The following PRKAG2 variants were observed in gnomAD, a reference collection of about 807,000 sequenced individuals.
The protein encoded by PRKAG2 is 5'-AMP-activated protein kinase subunit gamma-2.
In PRKAG2, 26 loss-of-function variants were observed where a neutral mutation model predicts 69.6. That is an observed-to-expected ratio of 0.37 (90% CI 0.27 to 0.52). PRKAG2 has a LOEUF of 0.52. Among genes scored for constraint, PRKAG2 ranks in the 20% least tolerant of loss-of-function variants. PRKAG2 has a pLI of 0.90. For missense variants in PRKAG2, 557 were observed against 740.0 expected (o/e 0.75, Z 2.87); for synonymous variants, 293 against 285.0 (o/e 1.03, Z -0.28).
intron 1 of PRKAG2, among the ~76,000 whole-genome samples, chr7:151,812,236 TAAAAC>T (rs1464017756): frequency 1.3e-5 from 2 of 152,064 alleles, no homozygotes; most frequent in African/African-American, 4.8e-5. Context: ...AAGTAATGCA[TAAAAC>T]AAAAGTACAG....
At chr7:151,682,111 A>G (rs946999020) in intron 3 of PRKAG2, among the ~76,000 whole-genome samples, 2 of 152,244 alleles carry the variant, frequency 1.3e-5, no homozygotes, top group African/African-American at 4.8e-5. Context: ...ATGCTATTCA[A>G]TCAGTAGAGA....
chr7:151,825,963 C>T (rs150945302), intron 1 of PRKAG2, among the ~76,000 whole-genome samples: 180 of 152,258 alleles, frequency 1.2e-3, no homozygotes, highest in Middle Eastern at 6.8e-3. Flanking sequence ...CAATTAGTCT[C>T]GGTTTACCCA....
intron 1 of PRKAG2, among the ~76,000 whole-genome samples, chr7:151,843,674 C>T (rs1016802340): frequency 6.6e-6 from 1 of 152,146 alleles, no homozygotes; most frequent in Non-Finnish European, 1.5e-5. Context: ...GGGGTGAGGC[C>T]CCCCAAGGAA....
In PRKAG2 at chr7:151,614,123, G is replaced by A. The variant is rs762550937; in HGVS notation, c.754+17946C>T. Among the ~76,000 whole-genome samples the A allele has an allele frequency of 5.9e-5, 9 of 152,076 alleles. No homozygotes were observed. The highest frequency in any genetic ancestry group is 1.7e-4 in the African/African-American group (7 of 41,404). ...ACTGGAGCCGACCAGGAGGTGCCCC[G>A]TTCCCACGGCTATGCTGAGCGCCCC... On this transcript the variant is annotated intron_variant, in intron 5 of 15. Transcript: ENST00000287878. This position sits in a 1 kb window ranked among gnomAD's most constrained non-coding sequence, Gnocchi z 4.4.
chr7:151,751,360 T>C (rs1279633212), intron 3 of PRKAG2, among the ~76,000 whole-genome samples: 2 of 152,052 alleles, frequency 1.3e-5, no homozygotes, highest in Middle Eastern at 6.3e-3. Context: ...GTGATCTGCC[T>C]GCCTCAGCCT....
At chr7:151,802,501 G>A (rs1220804755) in intron 1 of PRKAG2, among the ~76,000 whole-genome samples, 1 of 152,134 alleles carries the variant, frequency 6.6e-6, no homozygotes, top group Non-Finnish European at 1.5e-5. Context: ...CAGGTGGAGG[G>A]GAAACCGAAG....
chr7:151,786,693 G>GC lies in PRKAG2; in HGVS notation c.115-153dup, dbSNP rs1448150307. On this transcript the variant is annotated intron_variant, in intron 1 of 15. Transcript: ENST00000287878. ...GATGTGGACGTGTTTGCTACACCCA[G>GC]CCCCCAAAGCCCCTGACCACCATGC... 3.2e-5 allele frequency: 22 copies of GC among 679,266 alleles called. No homozygotes were observed. The East Asian group carries it at 5.8e-4, about 18-fold the overall frequency. The allele number at this position is 679,266 out of a possible 1,614,324, so 42.1% of individuals were successfully genotyped here. A position where few individuals can be genotyped will look rare whatever the true frequency, so the allele number is the denominator to read the frequency against.
At chr7:151,620,108 A>G (rs544484295) in intron 5 of PRKAG2, among the ~76,000 whole-genome samples, 4 of 152,346 alleles carry the variant, frequency 2.6e-5, no homozygotes, top group Admixed American at 6.5e-5. Flanking sequence ...GGGAGACTCA[A>G]CCTGCACCAG....
intron 4 of PRKAG2, among the ~76,000 whole-genome samples, chr7:151,645,026 C>G (rs908429578): frequency 3.3e-5 from 5 of 151,958 alleles, no homozygotes; most frequent in African/African-American, 1.2e-4. Context: ...AGTTTTTGTT[C>G]TTATTGAGTT....
In PRKAG2 at chr7:151,833,818, G is replaced by A. The variant is rs577283442; in HGVS notation, c.114+42689C>T. On this transcript the variant is annotated intron_variant, in intron 1 of 15. Transcript: ENST00000287878. ...ATGAGGAAAGGTTCACAGCCTCCCC[G>A]CTGTGCCTCCCCCAGATGGCGGGAG... Among the ~76,000 whole-genome samples, 27 of 152,314 alleles carry A rather than the reference G, an allele frequency of 1.8e-4. No homozygotes were observed. The East Asian group carries it at 2.7e-3, about 15-fold the overall frequency.
chr7:151,597,173 C>A (rs1345495218), intron 5 of PRKAG2, among the ~76,000 whole-genome samples: 1 of 152,170 alleles, frequency 6.6e-6, no homozygotes, highest in Admixed American at 6.5e-5. Context: ...ACACACCGGG[C>A]AAAGGGTGGT....
intron 3 of PRKAG2, among the ~76,000 whole-genome samples, chr7:151,708,546 C>T (rs544912834): frequency 6.6e-6 from 1 of 152,280 alleles, no homozygotes; most frequent in Non-Finnish European, 1.5e-5. Flanking sequence ...TTTCAGCCAC[C>T]GAGCCAGCCA....
intron 1 of PRKAG2, among the ~76,000 whole-genome samples, chr7:151,853,391 T>C (rs2079624941): frequency 6.6e-6 from 1 of 152,228 alleles, no homozygotes; most frequent in Non-Finnish European, 1.5e-5. Flanking sequence ...TATATGTTTT[T>C]CAGATGACAA....
intron 3 of PRKAG2, among the ~76,000 whole-genome samples, chr7:151,688,593 G>A (rs1007897221): frequency 2.6e-5 from 4 of 152,280 alleles, no homozygotes; most frequent in African/African-American, 9.6e-5. Flanking sequence ...ACTCCGCGGC[G>A]GGCTCCCCCA....
chr7:151,835,278 A>G lies in PRKAG2; in HGVS notation c.114+41229T>C, dbSNP rs1284219594. ...TTTCCAGGCTGGAGTGCCATGACAC[A>G]CACGATCTTGGCTCACTGCAGCCTT... On this transcript the variant is annotated intron_variant, in intron 1 of 15. Coordinates refer to ENST00000287878, the MANE Select transcript of PRKAG2 (RefSeq NM_016203.4). This position sits in a 1 kb window ranked among gnomAD's most constrained non-coding sequence, Gnocchi z 4.1. Among the ~76,000 whole-genome samples, 7 of 152,176 alleles carry G rather than the reference A, an allele frequency of 4.6e-5. No homozygotes were observed. The highest frequency in any genetic ancestry group is 1.7e-4 in the African/African-American group (7 of 41,444).
chr7:151,847,903 A>G, intron 1 of PRKAG2, among the ~76,000 whole-genome samples: 1 of 152,246 alleles, frequency 6.6e-6, no homozygotes, highest in East Asian at 1.9e-4. Flanking sequence ...CCCCAGCTCC[A>G]TTAACTGAGG....
intron 5 of PRKAG2, among the ~76,000 whole-genome samples, chr7:151,625,946 G>A (rs1822779063): frequency 1.3e-5 from 2 of 152,178 alleles, no homozygotes; most frequent in Admixed American, 6.5e-5. Context: ...CGTATGGGAT[G>A]TGAGTTATAT....
intron 4 of PRKAG2, among the ~76,000 whole-genome samples, chr7:151,644,094 C>T (rs1381458536): frequency 1.3e-5 from 2 of 151,996 alleles, no homozygotes; most frequent in Non-Finnish European, 2.9e-5. Flanking sequence ...AGAGCGGAAG[C>T]GGGGCAAGGG....
At chr7:151,829,883 G>A (rs1001259584) in intron 1 of PRKAG2, among the ~76,000 whole-genome samples, 2 of 151,904 alleles carry the variant, frequency 1.3e-5, no homozygotes, top group Middle Eastern at 3.2e-3. Context: ...CGGTGGCCCC[G>A]TGTACAGCCT....
Sources: allele counts gnomAD v4.1 joint callset (sites outside exome capture counted in the v4.1 genomes callset), GRCh38; gene constraint gnomAD v4.1.1; non-coding constraint Gnocchi (gnomAD v3.1); transcripts MANE v1.5; gene names NCBI Gene and HGNC (gene_info 2026-07-23, HGNC 2026-07-21).